The following UGT2A1 variants were observed in gnomAD, a reference collection of about 807,000 sequenced individuals.
UGT2A1 encodes the protein UDP-glucuronosyltransferase 2A1.
UGT2A1 carries 61 observed loss-of-function variants against 45.4 expected under a neutral mutation model. That is an observed-to-expected ratio of 1.34 (90% CI 1.09 to 1.66). UGT2A1 has a LOEUF of 1.66. UGT2A1 is among the 40% of genes most tolerant of loss of function. The pLI is 0.00. For missense variants in UGT2A1, 649 were observed against 574.3 expected (o/e 1.13, Z -1.33); for synonymous variants, 229 against 196.2 (o/e 1.17, Z -1.40).
At chr4:69,627,386 G>A (rs957645674) in intron 3 of UGT2A1, among the ~76,000 whole-genome samples, 1 of 151,610 alleles carries the variant, frequency 6.6e-6, no homozygotes, top group South Asian at 2.1e-4. Context: ...CTACATAATA[G>A]ATTCATATGA....
intron 3 of UGT2A1, among the ~76,000 whole-genome samples, chr4:69,611,087 A>T (rs1720008954): frequency 1.3e-5 from 2 of 151,470 alleles, no homozygotes; most frequent in Non-Finnish European, 2.9e-5. Context: ...ATTTTAAAAT[A>T]GGTAGAATAA....
intron 4 of UGT2A1, among the ~76,000 whole-genome samples, chr4:69,598,142 A>G (rs1719049868): frequency 6.6e-6 from 1 of 152,168 alleles, no homozygotes; most frequent in Non-Finnish European, 1.5e-5. Flanking sequence ...AACATTCACT[A>G]GAGCTTGCCT....
intron 3 of UGT2A1, among the ~76,000 whole-genome samples, chr4:69,600,325 G>A (rs1243902802): frequency 2.0e-5 from 3 of 152,206 alleles, no homozygotes; most frequent in African/African-American, 7.2e-5. Context: ...CAGGGACAGA[G>A]AAAAGTCACT....
chr4:69,602,730 G>A (rs1370950241), intron 3 of UGT2A1, among the ~76,000 whole-genome samples: 1 of 137,128 alleles, frequency 7.3e-6, no homozygotes, highest in Non-Finnish European at 1.6e-5. Flanking sequence ...TTGCAAAATT[G>A]TATTAAAACC....
In UGT2A1 at chr4:69,601,963, A is replaced by G. The variant is rs1719322832; in HGVS notation, c.848-2569T>C. The stretch of plus-strand genomic sequence containing the variant: ...TTAAAGGGTAGAGTAAAACTAAGAC[A>G]ACTTGAATAATTAATATAATCAAGA... On this transcript the variant is annotated intron_variant, in intron 3 of 6. Transcript: ENST00000286604. Among the ~76,000 whole-genome samples the G allele has an allele frequency of 2.9e-5, 4 of 137,424 alleles. 1 individual carries two copies. The highest frequency in any genetic ancestry group is 6.2e-5 in the Non-Finnish European group (4 of 64,472). 90.2% of individuals were successfully genotyped at this position (137,424 alleles called of 152,430 possible).
In UGT2A1 at chr4:69,625,017, C is replaced by T. The variant is rs1197143160; in HGVS notation, c.847+10674G>A. On this transcript the variant is annotated intron_variant, in intron 3 of 6. Coordinates refer to ENST00000286604, the MANE Select transcript of UGT2A1 (RefSeq NM_001252275.3). ...TCTTGTAGCAACAAAAAAAATCAGC[C>T]TTTATTTTTAAAATTAAATTGGCTG... Among the ~76,000 whole-genome samples the T allele has an allele frequency of 2.0e-5, 3 of 151,146 alleles. No homozygotes were observed. In the East Asian group the frequency reaches 5.8e-4, roughly 29 times the overall value.
At chr4:69,608,615 A>T (rs1370608926) in intron 3 of UGT2A1, among the ~76,000 whole-genome samples, 1 of 152,110 alleles carries the variant, frequency 6.6e-6, no homozygotes, top group Non-Finnish European at 1.5e-5. Flanking sequence ...GAGTCAGGGA[A>T]GAAGGAAGGA....
At chr4:69,639,433 TG>T (rs749848995) in intron 2 of UGT2A1, 13 of 1,613,116 alleles carry the variant, frequency 8.1e-6, no homozygotes, top group Non-Finnish European at 1.1e-5. Flanking sequence ...TTGGAGTTGA[TG>T]AATAGAGTTG....
At chr4:69,608,525 T>G (rs1382632402) in intron 3 of UGT2A1, among the ~76,000 whole-genome samples, 1 of 151,226 alleles carries the variant, frequency 6.6e-6, no homozygotes, top group Non-Finnish European at 1.5e-5. Context: ...GTAACTAACC[T>G]GCACGTTGTG....
In UGT2A1 at chr4:69,647,646, A is replaced by T. The variant is rs139509291; in HGVS notation, c.-2T>A. The T allele has an allele frequency of 9.8e-6, 15 of 1,535,224 alleles. No homozygotes were observed. The highest frequency in any genetic ancestry group is 1.2e-5 in the Non-Finnish European group (14 of 1,139,218). On this transcript the variant is annotated 5_prime_UTR_variant, in exon 2 of 7. Coordinates refer to ENST00000286604, the MANE Select transcript of UGT2A1 (RefSeq NM_001252275.3). ...GAACAGCAGAAGGTTGTTTAACATG[A>T]TGTGGCTTGATGCAGAAGATTTGAT...
At chr4:69,634,657 GAGA>G (rs1721578022) in intron 3 of UGT2A1, among the ~76,000 whole-genome samples, 1 of 152,040 alleles carries the variant, frequency 6.6e-6, no homozygotes, top group African/African-American at 2.4e-5. Flanking sequence ...GCGGAACAAA[GAGA>G]AGAATAATAT....
chr4:69,600,391 G>A (rs910295290), intron 3 of UGT2A1, among the ~76,000 whole-genome samples: 1 of 152,146 alleles, frequency 6.6e-6, no homozygotes, highest in Non-Finnish European at 1.5e-5. Context: ...CTCAGGTTGT[G>A]GTCACAGGTT....
chr4:69,630,592 G>A (rs892716781), intron 3 of UGT2A1, among the ~76,000 whole-genome samples: 9 of 151,972 alleles, frequency 5.9e-5, no homozygotes, highest in African/African-American at 2.2e-4. Flanking sequence ...CATAAACAGG[G>A]AATTATAAAA....
intron 3 of UGT2A1, among the ~76,000 whole-genome samples, chr4:69,605,162 T>G (rs1276078398): frequency 1.5e-5 from 2 of 136,572 alleles, no homozygotes; most frequent in African/African-American, 5.9e-5. Context: ...ATTGACCACA[T>G]AGTTGGAAGT....
In UGT2A1 at chr4:69,630,558, A is replaced by G. The variant is rs186645565; in HGVS notation, c.847+5133T>C. 6.8e-4 allele frequency among the ~76,000 whole-genome samples: 104 copies of G among 152,244 alleles called. 1 individual carries two copies. In the East Asian group the frequency reaches 0.016, roughly 23 times the overall value. On this transcript the variant is annotated intron_variant, in intron 3 of 6. Coordinates refer to ENST00000286604, the MANE Select transcript of UGT2A1 (RefSeq NM_001252275.3). Reference sequence around the variant, plus strand: ...CTACTACAAATCACTGTGAATATCAATACTCCTCCAAGTAGAAAAGGGTCA... The same window carrying G: ...CTACTACAAATCACTGTGAATATCAGTACTCCTCCAAGTAGAAAAGGGTCA...
intron 3 of UGT2A1, among the ~76,000 whole-genome samples, chr4:69,627,218 T>C (rs1185253810): frequency 6.6e-6 from 1 of 151,882 alleles, no homozygotes; most frequent in African/African-American, 2.4e-5. Context: ...TTTACCTATT[T>C]GATAAGTCTT....
Position 69,629,652 on chromosome 4 carries a change from T to C in UGT2A1, c.847+6039A>G, listed in dbSNP as rs534424317. Among the ~76,000 whole-genome samples, 112 of 152,142 alleles carry C rather than the reference T, an allele frequency of 7.4e-4. 1 individual carries two copies. The highest frequency in any genetic ancestry group is 2.4e-3 in the African/African-American group (101 of 41,548). ...GATAAAACTGCATCCCGTCACCACA[T>C]ATCATTTCTAGGAATATTAAATAAA... On this transcript the variant is annotated intron_variant, in intron 3 of 6. Coordinates refer to ENST00000286604, the MANE Select transcript of UGT2A1 (RefSeq NM_001252275.3).
intron 3 of UGT2A1, among the ~76,000 whole-genome samples, chr4:69,615,777 T>C (rs960644748): frequency 6.6e-6 from 1 of 151,738 alleles, no homozygotes; most frequent in African/African-American, 2.4e-5. Flanking sequence ...GGTGAGGATA[T>C]GGAAAAAGGG....
intron 1 of UGT2A1, among the ~76,000 whole-genome samples, chr4:69,649,962 C>T (rs1326595704): frequency 6.6e-6 from 1 of 152,022 alleles, no homozygotes; most frequent in Non-Finnish European, 1.5e-5. Flanking sequence ...AAATTCACAC[C>T]TTTGCAAATA....
Sources: allele counts gnomAD v4.1 joint callset (sites outside exome capture counted in the v4.1 genomes callset), GRCh38; gene constraint gnomAD v4.1.1; transcripts MANE v1.5; gene names NCBI Gene and HGNC (gene_info 2026-07-23, HGNC 2026-07-21).